Variants in ATAD2B observed in about 807,000 individuals in gnomAD.
ATAD2B encodes ATPase family AAA domain-containing protein 2B.
Under a neutral mutation model 167.6 loss-of-function variants are expected in ATAD2B, and 40 were observed. The ratio of observed to expected loss-of-function variants is 0.24; its 90% confidence interval spans 0.19 to 0.31. ATAD2B has a LOEUF of 0.31. ATAD2B is among the 10% of genes least tolerant of loss of function. The pLI, the probability that ATAD2B is intolerant of heterozygous loss-of-function variation, is 1.00. For missense variants in ATAD2B, 1,242 were observed against 1,757.2 expected, an observed-to-expected ratio of 0.71 and a Z score of 5.24; for synonymous variants, 579 against 596.5, an observed-to-expected ratio of 0.97 and a Z score of 0.43.
intron 13 of ATAD2B, among the ~76,000 whole-genome samples, chr2:23,848,130 G>T (rs999927087): frequency 6.6e-6 from 1 of 152,050 alleles, no homozygotes; most frequent in Non-Finnish European, 1.5e-5. Flanking sequence ...AGGATAGAGA[G>T]CACCAGAAAT....
intron 15 of ATAD2B, chr2:23,827,912 C>T (rs910324483): frequency 1.3e-5 from 2 of 152,538 alleles, no homozygotes; most frequent in African/African-American, 4.8e-5. Flanking sequence ...GACTAATGTT[C>T]TATTTAAGTT....
At chr2:23,916,743 AATG>A (rs1411744149) in intron 1 of ATAD2B, among the ~76,000 whole-genome samples, 1 of 152,214 alleles carries the variant, frequency 6.6e-6, no homozygotes, top group African/African-American at 2.4e-5. Flanking sequence ...CTTCAGATAT[AATG>A]ATTAAACAAA....
At chr2:23,909,031 A>G (rs1229234684) in intron 1 of ATAD2B, among the ~76,000 whole-genome samples, 1 of 150,786 alleles carries the variant, frequency 6.6e-6, no homozygotes, top group East Asian at 2.0e-4. Context: ...ACCTAATGCT[A>G]GATGACGAGT....
At chr2:23,869,038 T>A (rs11679459) in intron 9 of ATAD2B, among the ~76,000 whole-genome samples, 111,540 of 152,052 alleles carry the variant, frequency 0.73, 41,294 homozygotes, top group East Asian at 0.85. Context: ...TTTAGTACAC[T>A]ATCTAACTGA....
intron 10 of ATAD2B, among the ~76,000 whole-genome samples, 161 bp downstream of exon 10, chr2:23,867,674 A>G (rs923456468): frequency 2.0e-5 from 3 of 152,240 alleles, no homozygotes; most frequent in Non-Finnish European, 4.4e-5. Flanking sequence ...TATCTGACTA[A>G]GCACCACTTG....
Position 23,754,690 on chromosome 2 carries a change from G to C in ATAD2B, c.4163C>G (p.Ser1388Cys). 8.7e-6 allele frequency: 14 copies of C among 1,613,176 alleles called. No homozygotes were observed. The highest frequency in any genetic ancestry group is 1.2e-5 in the Non-Finnish European group (14 of 1,179,400). The change falls in exon 26 of 28, where the codon TCT (serine) becomes TGT (cysteine). Residue 1388 changes from serine to cysteine, a missense_variant. Ser to Cys is a moderately radical substitution (Grantham distance 112). This residue lies in a region of ATAD2B where 282 missense variants were observed against 346.8 expected (regional missense o/e 0.81). Transcript: ENST00000238789. ...TSLELVPEEP[S>C]EPVPPLIVDR... The stretch of plus-strand genomic sequence containing the variant: ...AACTATAAGAGGAGGCACAGGCTCA[G>C]ATGGCTCTTCTGGAACCAGTTCCAG...
the ATAD2B span, chr2:23,706,976 G>T: frequency 4.0e-6 from 1 of 249,098 alleles, no homozygotes; most frequent in Non-Finnish European, 7.6e-6. Flanking sequence ...GAGAGAAGCT[G>T]TTTTTTCCTT....
At chr2:23,732,171 T>C in the ATAD2B span, among the ~76,000 whole-genome samples, 3 of 152,102 alleles carry the variant, frequency 2.0e-5, no homozygotes, top group East Asian at 1.9e-4. Flanking sequence ...AAAAGATAAA[T>C]GAACATAGCC....
rs954900392 is a variant in ATAD2B at position 23,909,098 on chromosome 2, T to C, written c.217-13128A>G. On this transcript the variant is annotated intron_variant, in intron 1 of 27. Transcript: ENST00000238789. ...TATACATATGTAACTAACCTGCACATTGTGCACATGTACCCTAAAACTTAA... is the reference window on the plus strand; with the variant it reads ...TATACATATGTAACTAACCTGCACACTGTGCACATGTACCCTAAAACTTAA... Among the ~76,000 whole-genome samples, 5 of 150,354 alleles carry C rather than the reference T, an allele frequency of 3.3e-5. No homozygotes were observed. The Admixed American group carries it at 3.3e-4, about 10-fold the overall frequency.
chr2:23,823,619 C>T (rs759584101), intron 15 of ATAD2B, 50 bp from the exon 16 acceptor site: 12 of 1,497,264 alleles, frequency 8.0e-6, no homozygotes, highest in Admixed American at 1.8e-5. Context: ...TTATTCCATG[C>T]ACCAACTATG....
intron 1 of ATAD2B, among the ~76,000 whole-genome samples, chr2:23,910,914 C>G (rs1393589655): frequency 6.7e-6 from 1 of 150,012 alleles, no homozygotes; most frequent in Non-Finnish European, 1.5e-5. Flanking sequence ...TGGAGGAGCA[C>G]GTTAAAGAGT....
chr2:23,691,704 G>C, the ATAD2B span: 8 of 1,551,784 alleles, frequency 5.2e-6, no homozygotes, highest in South Asian at 9.5e-5. Flanking sequence ...AGGGCGGCCG[G>C]GAGAAGCTGG....
At chr2:23,876,690 T>C (rs559879211) in intron 7 of ATAD2B, among the ~76,000 whole-genome samples, 1 of 152,288 alleles carries the variant, frequency 6.6e-6, no homozygotes, top group South Asian at 2.1e-4. Flanking sequence ...TTTGTGGCAA[T>C]ACTATAAAGT....
intron 23 of ATAD2B, among the ~76,000 whole-genome samples, chr2:23,763,615 C>T (rs573296477): frequency 1.2e-4 from 19 of 152,182 alleles, no homozygotes; most frequent in African/African-American, 3.4e-4. Context: ...GTTGAGACAA[C>T]ATCTTGCTCT....
At chr2:23,723,585 A>G in the ATAD2B span, among the ~76,000 whole-genome samples, 1 of 152,192 alleles carries the variant, frequency 6.6e-6, no homozygotes, top group Admixed American at 6.5e-5. Flanking sequence ...AAAATGCTCA[A>G]CATCCCTAAT....
chr2:23,911,956 G>A (rs527511050), intron 1 of ATAD2B, among the ~76,000 whole-genome samples: 3 of 138,424 alleles, frequency 2.2e-5, no homozygotes, highest in Middle Eastern at 4.1e-3. Context: ...CAGCCTGGGT[G>A]ACAGAACAAG....
In ATAD2B at chr2:23,782,078, A is replaced by G. The variant is rs536495124; in HGVS notation, c.3133+791T>C. Among the ~76,000 whole-genome samples the G allele has an allele frequency of 2.8e-4, 42 of 152,326 alleles. No homozygotes were observed. The South Asian group carries it at 7.5e-3, about 27-fold the overall frequency. On this transcript the variant is annotated intron_variant, in intron 22 of 27. Coordinates refer to ENST00000238789, the MANE Select transcript of ATAD2B (RefSeq NM_017552.4). The stretch of plus-strand genomic sequence containing the variant: ...GTGATCCATTCACCCCGGCCTCCCA[A>G]AGTGCTGGGATTACAGGTGCAAGCC...
chr2:23,748,543 C>A (rs929423682), downstream of ATAD2B: 2 of 152,120 alleles, frequency 1.3e-5, no homozygotes, highest in Non-Finnish European at 2.9e-5. Context: ...GAACATATAA[C>A]ACGACTTTTT....
Position 23,864,879 on chromosome 2 carries a change from G to T in ATAD2B, c.1234C>A (p.Leu412Ile). 1 of 1,598,626 alleles carries T rather than the reference G, an allele frequency of 6.3e-7. No homozygotes were observed. The highest frequency in any genetic ancestry group is 1.3e-5 in the African/African-American group (1 of 74,560). ...AGTGGGAATACTACCATTTCCTTTA[G>T]CGCATGAATATGATGGCTCAATCCA... The part of the protein sequence containing the change: ...IGGLSHHIHA[L>I]KEMVVFPLLY... Residue 412 changes from leucine to isoleucine, a missense_variant, in exon 11 of 28, where the codon CTA (leucine) becomes ATA (isoleucine). Physicochemically the swap from Leu to Ile is conservative, Grantham distance 5. Coordinates refer to ENST00000238789, the MANE Select transcript of ATAD2B (RefSeq NM_017552.4).
Sources: allele counts gnomAD v4.1 joint callset (sites outside exome capture counted in the v4.1 genomes callset), GRCh38; gene constraint gnomAD v4.1.1; regional missense constraint gnomAD v4.1.1; transcripts MANE v1.5; gene names NCBI Gene and HGNC (gene_info 2026-07-23, HGNC 2026-07-21).